The following TNR variants were observed in gnomAD, a reference collection of about 807,000 sequenced individuals.
TNR encodes tenascin R.
In TNR, 45 loss-of-function variants were observed where a neutral mutation model predicts 150.4. That is an observed-to-expected ratio of 0.30 (90% CI 0.24 to 0.38). The LOEUF (loss-of-function observed/expected upper bound fraction) is 0.38, where lower values mean the gene tolerates loss of function less well. TNR is among the 10% of genes least tolerant of loss of function. The pLI is 1.00. For missense variants in TNR, 1,544 were observed against 1,759.1 expected (o/e 0.88, Z 2.19); for synonymous variants, 687 against 678.4 (o/e 1.01, Z -0.20).
intron 5 of TNR, among the ~76,000 whole-genome samples, chr1:175,396,159 A>G (rs1229633667): frequency 2.0e-5 from 3 of 152,230 alleles, no homozygotes; most frequent in African/African-American, 7.2e-5. Flanking sequence ...CACACCATTT[A>G]GCACTTGCTT....
chr1:175,720,258 C>T (rs1667262919), intron 1 of TNR, among the ~76,000 whole-genome samples: 1 of 150,534 alleles, frequency 6.6e-6, no homozygotes, highest in South Asian at 2.1e-4. Flanking sequence ...CTCTCTTGTG[C>T]TCTCTCTCTC....
chr1:175,483,768 G>T (rs1040680019), intron 2 of TNR, among the ~76,000 whole-genome samples: 14 of 152,200 alleles, frequency 9.2e-5, no homozygotes, highest in Admixed American at 7.8e-4. Flanking sequence ...GGAACTACAC[G>T]TTTGAGTTGC....
intron 1 of TNR, among the ~76,000 whole-genome samples, chr1:175,691,397 T>C (rs1666366091): frequency 6.6e-6 from 1 of 152,240 alleles, no homozygotes; most frequent in Non-Finnish European, 1.5e-5. Flanking sequence ...AAGAGTTTCC[T>C]GTGTTTTAAC....
chr1:175,345,145 A>C (rs10912962), intron 18 of TNR, among the ~76,000 whole-genome samples: 63,167 of 151,856 alleles, frequency 0.42, 15,205 homozygotes, highest in East Asian at 0.66. Context: ...CAACAAAAAA[A>C]CCCCACAAAA....
intron 1 of TNR, among the ~76,000 whole-genome samples, chr1:175,580,511 G>A (rs567032506): frequency 2.0e-5 from 3 of 152,154 alleles, no homozygotes; most frequent in African/African-American, 7.2e-5. Context: ...TATCTTTAAG[G>A]CTAGTTAACG....
chr1:175,412,499 T>C (rs1202714488), intron 2 of TNR, among the ~76,000 whole-genome samples: 1 of 152,154 alleles, frequency 6.6e-6, no homozygotes, highest in Admixed American at 6.5e-5. Flanking sequence ...TGTAACCCAG[T>C]AAACCTTGAT....
chr1:175,518,421 C>A (rs932822559), intron 2 of TNR, among the ~76,000 whole-genome samples: 1 of 152,134 alleles, frequency 6.6e-6, no homozygotes, highest in Admixed American at 6.5e-5. Context: ...TCTCATGTCT[C>A]CCCCTACAGT....
At chr1:175,470,105 C>T (rs1009745002) in intron 2 of TNR, among the ~76,000 whole-genome samples, 2 of 152,006 alleles carry the variant, frequency 1.3e-5, no homozygotes, top group Non-Finnish European at 2.9e-5. Flanking sequence ...TGGGGGTACA[C>T]AGAAGGAGTT....
intron 2 of TNR, among the ~76,000 whole-genome samples, chr1:175,417,075 G>GAAAGAAATAAATAAATAAATAAAT: frequency 7.2e-6 from 1 of 138,166 alleles, no homozygotes; most frequent in East Asian, 2.3e-4. Flanking sequence ...AAGAAAGAAA[G>GAAAGAAATAAATAAATAAATAAAT]AAATCTAAGA....
At chr1:175,530,152 A>G (rs1183101177) in intron 1 of TNR, among the ~76,000 whole-genome samples, 1 of 152,208 alleles carries the variant, frequency 6.6e-6, no homozygotes, top group Non-Finnish European at 1.5e-5. Flanking sequence ...TACACTGGTA[A>G]GTATCCTTCC....
chr1:175,429,254 G>GTTTGCA (rs1655150803), intron 2 of TNR, among the ~76,000 whole-genome samples: 1 of 152,112 alleles, frequency 6.6e-6, no homozygotes, highest in Non-Finnish European at 1.5e-5. Context: ...CATGATTTGT[G>GTTTGCA]AATCATTAAG....
At chr1:175,448,452 C>T (rs1414233549) in intron 2 of TNR, among the ~76,000 whole-genome samples, 5 of 152,198 alleles carry the variant, frequency 3.3e-5, no homozygotes, top group African/African-American at 4.8e-5. Context: ...CCTCGTGATC[C>T]GCCCACCTCA....
chr1:175,517,446 G>A (rs1659461209), intron 2 of TNR, among the ~76,000 whole-genome samples: 1 of 152,078 alleles, frequency 6.6e-6, no homozygotes, highest in African/African-American at 2.4e-5. Context: ...CAAAAGTTTG[G>A]TTTGTCCTAC....
Position 175,331,133 on chromosome 1 carries a change from T to C in TNR, c.3632-898A>G, listed in dbSNP as rs1455074157. Among the ~76,000 whole-genome samples, 423 of 122,336 alleles carry C rather than the reference T, an allele frequency of 3.5e-3. 1 individual carries two copies. The highest frequency in any genetic ancestry group is 4.9e-3 in the East Asian group (18 of 3,708). 80.3% of individuals were successfully genotyped at this position (122,336 alleles called of 152,430 possible). A position where few individuals can be genotyped will look rare whatever the true frequency, so the allele number is the denominator to read the frequency against. On this transcript the variant is annotated intron_variant, in intron 20 of 22. Transcript: ENST00000367674. ...TCTTTCTTTTCTTTCTTTCTTTCTT[T>C]TCTTTCTTTCTTCCTTTCTTTCTTT...
At chr1:175,500,472 T>A (rs902377214) in intron 2 of TNR, among the ~76,000 whole-genome samples, 1 of 152,144 alleles carries the variant, frequency 6.6e-6, no homozygotes, top group African/African-American at 2.4e-5. Context: ...ATAGAAGCTG[T>A]GTGTTGACAA....
intron 20 of TNR, among the ~76,000 whole-genome samples, chr1:175,334,663 C>A (rs1454586147): frequency 6.6e-6 from 1 of 152,222 alleles, no homozygotes; most frequent in African/African-American, 2.4e-5. Context: ...GCACGAGGAC[C>A]ATTTTCCACA....
intron 2 of TNR, among the ~76,000 whole-genome samples, chr1:175,458,414 C>T (rs1281357202): frequency 2.0e-5 from 3 of 152,190 alleles, no homozygotes; most frequent in Admixed American, 2.0e-4. Context: ...AAGGAGCTTA[C>T]AATCTGGTTG....
chr1:175,719,946 C>A (rs1055379020), intron 1 of TNR, among the ~76,000 whole-genome samples: 1 of 152,216 alleles, frequency 6.6e-6, no homozygotes, highest in East Asian at 1.9e-4. Context: ...GGCAGGCGTG[C>A]CTGCCAGGCA....
In TNR at chr1:175,699,533, T is replaced by C. The variant is rs150230401; in HGVS notation, c.-165+43693A>G. Among the ~76,000 whole-genome samples, 383 of 152,130 alleles carry C rather than the reference T, an allele frequency of 2.5e-3. 4 individuals are homozygous for C. Among genetic ancestry groups the C allele is most frequent in the African/African-American group, 9.0e-3 (374 of 41,488 alleles). On this transcript the variant is annotated intron_variant, in intron 1 of 22. Transcript: ENST00000367674. ...TGAATGCACTGATACACAGGGGAGA[T>C]GATAATAATCAGTGAGGGCTAAGCA... is the stretch of plus-strand genomic sequence containing the variant.
Sources: gnomAD v4.1 joint callset for allele counts (sites outside exome capture counted in the v4.1 genomes callset) on GRCh38, gnomAD v4.1.1 for gene constraint, MANE v1.5 for transcripts, NCBI Gene and HGNC (gene_info 2026-07-23, HGNC 2026-07-21) for gene names.